TMEM117: variants seen among roughly 807,000 people sequenced by gnomAD.
TMEM117 encodes the protein transmembrane protein 117.
Under a neutral mutation model 52.4 loss-of-function variants are expected in TMEM117, and 27 were observed. The observed-to-expected ratio is 0.51, with a 90% confidence interval of 0.38 to 0.71. TMEM117 has a LOEUF of 0.71. Among genes scored for constraint, TMEM117 ranks in the 30% least tolerant of loss-of-function variants. TMEM117 has a pLI of 0.00. For missense variants in TMEM117, 556 were observed against 630.5 expected (o/e 0.88, Z 1.26); for synonymous variants, 215 against 206.3 (o/e 1.04, Z -0.36).
At chr12:44,094,944 C>T (rs111281456) in intron 3 of TMEM117, among the ~76,000 whole-genome samples, 51 of 152,162 alleles carry the variant, frequency 3.4e-4, no homozygotes, top group Non-Finnish European at 5.0e-4. Context: ...TTGTTTCATA[C>T]GTATGTACCG....
chr12:43,926,463 G>A (rs190944936), intron 2 of TMEM117, among the ~76,000 whole-genome samples: 142 of 152,112 alleles, frequency 9.3e-4, no homozygotes, highest in Non-Finnish European at 1.7e-3. Flanking sequence ...TGTTTACATC[G>A]GAATTTCAGA....
chr12:43,868,097 TACAC>T (rs776905317), intron 2 of TMEM117, among the ~76,000 whole-genome samples: 8 of 60,214 alleles, frequency 1.3e-4, no homozygotes, highest in Non-Finnish European at 3.8e-4. Context: ...AAATCAAATA[TACAC>T]ACACACACAC....
chr12:44,118,907 G>T (rs1035685229), intron 3 of TMEM117, among the ~76,000 whole-genome samples: 4 of 152,148 alleles, frequency 2.6e-5, no homozygotes, highest in Admixed American at 6.5e-5. Context: ...CAGTTCTCAG[G>T]TGTCATTTGG....
At chr12:44,353,780 G>A (rs1951602395) in intron 6 of TMEM117, among the ~76,000 whole-genome samples, 1 of 152,084 alleles carries the variant, frequency 6.6e-6, no homozygotes, top group Non-Finnish European at 1.5e-5. Flanking sequence ...GGCGATGTGG[G>A]CTCTTTTTTG....
intron 3 of TMEM117, among the ~76,000 whole-genome samples, chr12:44,042,299 T>G (rs1392404109): frequency 6.6e-6 from 1 of 152,136 alleles, no homozygotes; most frequent in Non-Finnish European, 1.5e-5. Flanking sequence ...TTTTGGTTTT[T>G]TTTTTTAATC....
intron 4 of TMEM117, among the ~76,000 whole-genome samples, chr12:44,182,451 C>A (rs1949215764): frequency 1.3e-5 from 2 of 152,096 alleles, no homozygotes; most frequent in Non-Finnish European, 2.9e-5. Flanking sequence ...AAGACAAAAA[C>A]CACATGATTA....
chr12:44,090,265 T>C (rs968583046), intron 3 of TMEM117, among the ~76,000 whole-genome samples: 1 of 152,116 alleles, frequency 6.6e-6, no homozygotes, highest in African/African-American at 2.4e-5. Flanking sequence ...CTTCTACTTA[T>C]CTTGTCACTC....
intron 4 of TMEM117, among the ~76,000 whole-genome samples, chr12:44,160,919 G>T (rs767919025): frequency 3.9e-5 from 6 of 152,118 alleles, no homozygotes; most frequent in Non-Finnish European, 8.8e-5. Flanking sequence ...ATGTGCTAAA[G>T]CCTGTTCTAA....
At chr12:43,979,491 G>T (rs1284820218) in intron 3 of TMEM117, among the ~76,000 whole-genome samples, 1 of 152,128 alleles carries the variant, frequency 6.6e-6, no homozygotes, top group Non-Finnish European at 1.5e-5. Flanking sequence ...TGGTGAGCTG[G>T]CCTTTCATTA....
At chr12:43,822,375 A>G in the TMEM117 span, among the ~76,000 whole-genome samples, 2 of 152,188 alleles carry the variant, frequency 1.3e-5, no homozygotes, top group Non-Finnish European at 2.9e-5. Context: ...CACTACATTA[A>G]TGATTTTCCA....
chr12:44,361,039 A>C (rs1386058744), intron 6 of TMEM117, among the ~76,000 whole-genome samples: 1 of 152,168 alleles, frequency 6.6e-6, no homozygotes, highest in Non-Finnish European at 1.5e-5. Flanking sequence ...ACAGTCTAAC[A>C]AGCAGGGTCT....
chr12:44,183,816 A>G (rs1190624424), intron 4 of TMEM117, among the ~76,000 whole-genome samples: 2 of 152,200 alleles, frequency 1.3e-5, no homozygotes, highest in Admixed American at 6.5e-5. Context: ...CTAATAGCCC[A>G]TTTGATAGAA....
At chr12:43,967,316 G>T (rs1007197459) in intron 3 of TMEM117, among the ~76,000 whole-genome samples, 1 of 151,942 alleles carries the variant, frequency 6.6e-6, no homozygotes, top group Admixed American at 6.6e-5. Context: ...TGTAGAAATG[G>T]GTTTCACATG....
the TMEM117 span, among the ~76,000 whole-genome samples, chr12:43,812,567 G>A: frequency 1.3e-5 from 2 of 152,164 alleles, no homozygotes; most frequent in Non-Finnish European, 2.9e-5. Flanking sequence ...TCAATTATCA[G>A]GTTAGCAAAG....
At chr12:44,039,724 C>A (rs1222071672) in intron 3 of TMEM117, among the ~76,000 whole-genome samples, 2 of 151,830 alleles carry the variant, frequency 1.3e-5, no homozygotes, top group African/African-American at 4.8e-5. Context: ...TTTTAATTGG[C>A]TTTTTCCTTC....
At chr12:44,304,056 A>G (rs550662236) in intron 6 of TMEM117, among the ~76,000 whole-genome samples, 1 of 152,326 alleles carries the variant, frequency 6.6e-6, no homozygotes, top group Admixed American at 6.5e-5. Flanking sequence ...ATGAATGATC[A>G]CAGTGCTTGG....
In TMEM117 at chr12:43,927,608, A is replaced by G. The variant is rs538493754; in HGVS notation, c.278-16602A>G. On this transcript the variant is annotated intron_variant, in intron 2 of 7. Transcript: ENST00000266534. ...TTTATATAATCTATCTCATTGATCA[A>G]TTTTAAAATCATTCTATTTACCTGG... is the stretch of plus-strand genomic sequence containing the variant. 2.6e-5 allele frequency among the ~76,000 whole-genome samples: 4 copies of G among 151,940 alleles called. No individual in the cohort carries two copies. In the South Asian group the frequency reaches 8.3e-4, roughly 31 times the overall value.
At chr12:44,143,740 A>T in intron 4 of TMEM117, 116 bp downstream of exon 4, 1 of 679,290 alleles carries the variant, frequency 1.5e-6, no homozygotes. Context: ...CTTTGAGTGA[A>T]ACAAATTTAT....
intron 5 of TMEM117, among the ~76,000 whole-genome samples, chr12:44,226,979 A>G (rs1383436424): frequency 6.6e-6 from 1 of 152,122 alleles, no homozygotes; most frequent in East Asian, 1.9e-4. Flanking sequence ...TCGCCAAAGC[A>G]ACCAATTTTT....
Sources: allele counts gnomAD v4.1 joint callset (sites outside exome capture counted in the v4.1 genomes callset), GRCh38; gene constraint gnomAD v4.1.1; transcripts MANE v1.5; gene names NCBI Gene and HGNC (gene_info 2026-07-23, HGNC 2026-07-21).